LAMB2: variants seen among roughly 807,000 people sequenced by gnomAD.
The protein encoded by LAMB2 is laminin subunit beta-2.
In LAMB2, 119 loss-of-function variants were observed where a neutral mutation model predicts 202.7. The observed-to-expected ratio is 0.59, with a 90% CI of 0.51 to 0.68. LAMB2 has a LOEUF of 0.68. Ranked by LOEUF, LAMB2 falls within the 30% of genes least tolerant of loss-of-function variation. The pLI, the probability that LAMB2 is intolerant of heterozygous loss-of-function variation, is 0.00. For missense variants in LAMB2, 2,124 were observed against 2,410.6 expected (o/e 0.88, Z 2.49); for synonymous variants, 818 against 902.2 (o/e 0.91, Z 1.67).
chr3:49,126,379 G>A lies in LAMB2; in HGVS notation c.2137C>T (p.Leu713=). 1 of 1,614,188 alleles carries A rather than the reference G, an allele frequency of 6.2e-7. No individual in the cohort carries two copies. The highest frequency in any genetic ancestry group is 8.5e-7 in the Non-Finnish European group (1 of 1,180,028). The change falls in exon 16 of 32, where the codon CTG becomes TTG. Residue 713 remains leucine (L), a synonymous_variant. Transcript: ENST00000305544. ...AGATTATTCACCGAGTCAATGAGCA[G>A]GCCAGGTCCAGAGTAGGGAGTCTCA... ...QPETPYSGPG[L]LIDSLVLLPR... is the part of the protein sequence containing the mutation.
intron 20 of LAMB2, 24 bp from the exon 21 acceptor site, chr3:49,124,949 G>A (rs753329413): frequency 1.9e-5 from 30 of 1,613,840 alleles, no homozygotes; most frequent in African/African-American, 2.7e-5. Flanking sequence ...AGAGGAAGCT[G>A]TGAGTGCTCA....
Position 49,131,968 on chromosome 3 carries a change from G to T in LAMB2, c.459+148C>A. 1 of 898,836 alleles carries T rather than the reference G, an allele frequency of 1.1e-6. No homozygotes were observed. The highest frequency in any genetic ancestry group is 1.8e-6 in the Non-Finnish European group (1 of 549,300). The allele number at this position is 898,836 out of a possible 1,614,324, so 55.7% of individuals were successfully genotyped here. On this transcript the variant is annotated intron_variant, in intron 4 of 31. Coordinates refer to ENST00000305544, the MANE Select transcript of LAMB2 (RefSeq NM_002292.4). This position sits in a 1 kb window ranked among gnomAD's most constrained non-coding sequence, Gnocchi z 5.0. Reference sequence around the variant, plus strand: ...GGAAAGGCAGAAGAGCATGTGCAAAGGCCTGGAGGCAAATGGAAGGTGTGA... The same window carrying T: ...GGAAAGGCAGAAGAGCATGTGCAAATGCCTGGAGGCAAATGGAAGGTGTGA...
rs377340882 is a variant in LAMB2, at chr3:49,122,824, T to C, written c.4453A>G (p.Ser1485Gly). ...SRVAETRRQA[S>G]EAQQRAQAAL... ...GCCTGGGCCCGCTGCTGTGCCTCGCTTGCCTGCCGACGAGTCTCAGCCACT... is the reference window on the plus strand; with the variant it reads ...GCCTGGGCCCGCTGCTGTGCCTCGCCTGCCTGCCGACGAGTCTCAGCCACT... The change falls in exon 27 of 32, where the codon AGC (serine) becomes GGC (glycine). Residue 1485 changes from serine to glycine, a missense_variant. By Grantham distance (56) the Ser-to-Gly change is moderately conservative (BLOSUM62 0). Transcript: ENST00000305544. 6.2e-7 allele frequency: 1 copy of C among 1,613,412 alleles called. No individual in the cohort carries two copies. The highest frequency in any genetic ancestry group is 2.2e-5 in the East Asian group (1 of 44,882).
rs2045476319 is a variant in LAMB2, at chr3:49,131,084, C to A, written c.781G>T (p.Asp261Tyr). 1.2e-6 allele frequency: 2 copies of A among 1,613,634 alleles called. No homozygotes were observed. Among genetic ancestry groups the A allele is most frequent in the Non-Finnish European group, 1.7e-6 (2 of 1,180,040 alleles). ...RLHTLGDNLL[D>Y]PRREIREKYY... ...TTCTCTCGGATCTCCCTCCGTGGGT[C>A]GAGTAGGTTGTCTCCCAACGTGTGT... Residue 261 changes from aspartate to tyrosine, a missense_variant, in exon 7 of 32, where the codon GAC (aspartate) becomes TAC (tyrosine). Transcript: ENST00000305544. This position sits in a 1 kb window ranked among gnomAD's most constrained non-coding sequence, Gnocchi z 5.0.
Position 49,132,300 on chromosome 3 carries a change from G to A in LAMB2, c.355C>T (p.Arg119Trp), listed in dbSNP as rs765986725. The change falls in exon 3 of 32, where the codon CGG (arginine) becomes TGG (tryptophan). Residue 119 changes from arginine to tryptophan, a missense_variant. Arg to Trp is a moderately radical substitution (Grantham distance 101). This residue lies in a region of LAMB2 where 166 missense variants were observed against 158.2 expected (regional missense o/e 1.05). Coordinates refer to ENST00000305544, the MANE Select transcript of LAMB2 (RefSeq NM_002292.4). The surrounding 1 kb of genome is among the most constrained non-coding windows in gnomAD (Gnocchi z 4.6). ...TCTGACTGCCACCAGGCTGCCCGCCGCTGTGGTGCAAAGCTGGTGACTACA... is the reference window on the plus strand; with the variant it reads ...TCTGACTGCCACCAGGCTGCCCGCCACTGTGGTGCAAAGCTGGTGACTACA... ...QNVVTSFAPQ[R>W]RAAWWQSENG... The A allele has an allele frequency of 1.4e-5, 22 of 1,614,226 alleles. No individual in the cohort carries two copies. The highest frequency in any genetic ancestry group is 1.7e-5 in the Non-Finnish European group (20 of 1,180,038).
chr3:49,127,749 G>A (rs185652065), intron 15 of LAMB2, among the ~76,000 whole-genome samples: 4 of 143,856 alleles, frequency 2.8e-5, no homozygotes, highest in South Asian at 2.2e-4. Flanking sequence ...GGCTGGGCAC[G>A]GTGGCTCACA....
chr3:49,124,183 C>T lies in LAMB2; in HGVS notation c.3424+7G>A, dbSNP rs765594085. On this transcript the variant is annotated splice_region_variant and intron_variant, in intron 23 of 31. Coordinates refer to ENST00000305544, the MANE Select transcript of LAMB2 (RefSeq NM_002292.4). ...TCCATCTACCCTGGCCCCGCTGGCT[C>T]CCTCACCATGGCACTGCAACCCAGG... 2.5e-6 allele frequency: 4 copies of T among 1,614,022 alleles called. No homozygotes were observed. Among genetic ancestry groups the T allele is most frequent in the Non-Finnish European group, 3.4e-6 (4 of 1,180,030 alleles).
rs1246055536 is a variant in LAMB2 at position 49,131,037 on chromosome 3, C to T, written c.828G>A (p.Glu276=). 4 of 1,613,846 alleles carry T rather than the reference C, an allele frequency of 2.5e-6. No individual in the cohort carries two copies. The highest frequency in any genetic ancestry group is 1.7e-5 in the Admixed American group (1 of 60,010). Residue 276 remains glutamate, a synonymous_variant, in exon 7 of 32, where the codon GAG becomes GAA. Coordinates refer to ENST00000305544, the MANE Select transcript of LAMB2 (RefSeq NM_002292.4). The surrounding 1 kb of genome is among the most constrained non-coding windows in gnomAD (Gnocchi z 5.0). ...AGAAGCAGTTGCCACGTACAACCAG[C>T]TCATAGAGGGCATAGTAGTACTTCT... ...IREKYYYALY[E]LVVRGNCFCY...
intron 15 of LAMB2, among the ~76,000 whole-genome samples, chr3:49,126,749 G>A (rs757426647): frequency 6.6e-6 from 1 of 152,256 alleles, no homozygotes; most frequent in African/African-American, 2.4e-5. Context: ...TACTCATAAA[G>A]CCTGGAAATC....
In LAMB2 at chr3:49,124,902, G is replaced by A. The variant is rs1271329821; in HGVS notation, c.2908C>T (p.Pro970Ser). 1.2e-6 allele frequency: 2 copies of A among 1,614,070 alleles called. No homozygotes were observed. The highest frequency in any genetic ancestry group is 3.3e-5 in the Admixed American group (2 of 60,020). ...CTTGATGGGTCCCCAAAGTGCCCAG[G>A]GGCACAAGCTTCACATCGCAGCCCT... ...YTGLRCEACAPGHFGDPSRPG... is the reference protein window; with the variant it reads ...YTGLRCEACASGHFGDPSRPG... The change falls in exon 21 of 32, where the codon CCT becomes TCT. Residue 970 changes from proline to serine, a missense_variant. Pro to Ser is a moderately conservative substitution (Grantham distance 74, BLOSUM62 -1). This residue lies in a region of LAMB2 where 1,702 missense variants were observed against 1,896.3 expected (regional missense o/e 0.90). Coordinates refer to ENST00000305544, the MANE Select transcript of LAMB2 (RefSeq NM_002292.4).
Position 49,130,172 on chromosome 3 carries a change from G to T in LAMB2, c.1225+59C>A. ...TTCCTGCAATTTAGACAGCAGTCCA[G>T]CTCTCTAGTTCCTGCCCCAGGCTCA... On this transcript the variant is annotated intron_variant, in intron 9 of 31. Transcript: ENST00000305544. The surrounding 1 kb of genome is among the most constrained non-coding windows in gnomAD (Gnocchi z 5.0). 6.2e-7 allele frequency: 1 copy of T among 1,601,880 alleles called. No individual in the cohort carries two copies.
intron 15 of LAMB2, among the ~76,000 whole-genome samples, 173 bp downstream of exon 15, chr3:49,128,285 T>C (rs1407996798): frequency 1.3e-5 from 2 of 152,328 alleles, no homozygotes; most frequent in Admixed American, 6.5e-5. Context: ...ATCTGTCTAC[T>C]TCCTTTCTGT....
At position 49,130,478 on chromosome 3, in the gene LAMB2, G is replaced by A; in HGVS notation, c.1037-59C>T. On this transcript the variant is annotated intron_variant, in intron 8 of 31. Coordinates refer to ENST00000305544, the MANE Select transcript of LAMB2 (RefSeq NM_002292.4). The surrounding 1 kb of genome is among the most constrained non-coding windows in gnomAD (Gnocchi z 5.0). ...ATGAGGAACCAGGTCACAAGGGTAA[G>A]AAGTAGGCCACCTTAGATCCCTATC... 1 of 1,593,698 alleles carries A rather than the reference G, an allele frequency of 6.3e-7. No individual in the cohort carries two copies. Among genetic ancestry groups the A allele is most frequent in the Non-Finnish European group, 8.6e-7 (1 of 1,162,546 alleles).
At position 49,132,032 on chromosome 3, in the gene LAMB2, C is replaced by A; in HGVS notation, c.459+84G>T. 1 of 1,308,812 alleles carries A rather than the reference C, an allele frequency of 7.6e-7. No homozygotes were observed. The highest frequency in any genetic ancestry group is 1.2e-5 in the South Asian group (1 of 84,170). The allele number at this position is 1,308,812 out of a possible 1,614,324, so 81.1% of individuals were successfully genotyped here. Reference sequence around the variant, plus strand: ...CCTCCTGCATCCATGCTCAAGGAGGCTGTGTTAAGGAGCTGAGGCTCTGTC... The same window carrying A: ...CCTCCTGCATCCATGCTCAAGGAGGATGTGTTAAGGAGCTGAGGCTCTGTC... On this transcript the variant is annotated intron_variant, in intron 4 of 31. Transcript: ENST00000305544. This position sits in a 1 kb window ranked among gnomAD's most constrained non-coding sequence, Gnocchi z 4.6.
At chr3:49,128,279 G>A (rs1010598162) in intron 15 of LAMB2, among the ~76,000 whole-genome samples, 179 bp downstream of exon 15, 1 of 152,190 alleles carries the variant, frequency 6.6e-6, no homozygotes, top group Non-Finnish European at 1.5e-5. Context: ...GCCTTGATCT[G>A]TCTACTTCCT....
chr3:49,130,352 A>G lies in LAMB2; in HGVS notation c.1104T>C (p.Asn368=). The G allele has an allele frequency of 1.9e-6, 3 of 1,614,104 alleles. No individual in the cohort carries two copies. Among genetic ancestry groups the G allele is most frequent in the Non-Finnish European group, 1.7e-6 (2 of 1,180,028 alleles). The change falls in exon 9 of 32, where the codon AAT becomes AAC. Residue 368 remains asparagine (N), a synonymous_variant. Transcript: ENST00000305544. The surrounding 1 kb of genome is among the most constrained non-coding windows in gnomAD (Gnocchi z 5.0). ...ATCCATCACACACACCTCCACTCAC[A>G]TTGCCAGATGCCAGGTATACGGCCA... ...FDMAVYLASG[N]VSGGVCDGCQ... is the part of the protein sequence containing the mutation.
chr3:49,121,217 G>C lies in LAMB2; in HGVS notation c.*9C>G. The C allele has an allele frequency of 5.6e-6, 9 of 1,612,142 alleles. No individual in the cohort carries two copies. Among genetic ancestry groups the C allele is most frequent in the Non-Finnish European group, 7.6e-6 (9 of 1,179,996 alleles). ...AGTGCTAGGAACTGGGGTAGGCCTT[G>C]GGCAGGGGTCACTGGCAGGTGTTGT... On this transcript the variant is annotated 3_prime_UTR_variant, in exon 32 of 32. Coordinates refer to ENST00000305544, the MANE Select transcript of LAMB2 (RefSeq NM_002292.4).
At position 49,124,102 on chromosome 3, in the gene LAMB2, T is replaced by G; in HGVS notation, c.3425-2A>C. On this transcript the variant is annotated splice_acceptor_variant, in intron 23 of 31. Transcript: ENST00000305544. LOFTEE classifies it high-confidence loss of function. Reference sequence around the variant, plus strand: ...TTCCACGAGAGTCACAATCACAGGCTGCAAGAAAGAGCAGAGCACAGAGTT... The same window carrying G: ...TTCCACGAGAGTCACAATCACAGGCGGCAAGAAAGAGCAGAGCACAGAGTT... 1.2e-6 allele frequency: 2 copies of G among 1,614,116 alleles called. No individual in the cohort carries two copies. The highest frequency in any genetic ancestry group is 1.7e-6 in the Non-Finnish European group (2 of 1,180,022).
At chr3:49,126,550 T>C (rs2045418045) in intron 15 of LAMB2, 53 bp from the exon 16 acceptor site, 1 of 1,609,486 alleles carries the variant, frequency 6.2e-7, no homozygotes. Flanking sequence ...CCTGTACAAA[T>C]CATCTGGGCC....
Sources: allele counts gnomAD v4.1 joint callset (sites outside exome capture counted in the v4.1 genomes callset), GRCh38; gene constraint gnomAD v4.1.1; regional missense constraint gnomAD v4.1.1; non-coding constraint Gnocchi (gnomAD v3.1); transcripts MANE v1.5; gene names NCBI Gene and HGNC (gene_info 2026-07-23, HGNC 2026-07-21).